Variants in MAPK8 observed in about 807,000 individuals in gnomAD.
The protein encoded by MAPK8 is mitogen-activated protein kinase 8.
A neutral mutation model predicts 52.9 loss-of-function variants in MAPK8; 13 were observed. The observed-to-expected ratio is 0.25, with a 90% confidence interval of 0.16 to 0.39. The LOEUF is 0.39. Ranked by LOEUF, MAPK8 falls within the 10% of genes least tolerant of loss-of-function variation. The pLI is 1.00. For missense variants in MAPK8, 300 were observed against 519.2 expected (o/e 0.58, Z 4.10); for synonymous variants, 191 against 169.8 (o/e 1.12, Z -0.97).
At chr10:48,386,549 G>A (rs952825940) in intron 1 of MAPK8, among the ~76,000 whole-genome samples, 3 of 152,168 alleles carry the variant, frequency 2.0e-5, no homozygotes, top group Non-Finnish European at 4.4e-5. Flanking sequence ...GGAATATTTT[G>A]AAATGTTTAC....
rs545661654 is a variant in MAPK8 at position 48,338,095 on chromosome 10, CT to C, written c.-50+31277del. Among the ~76,000 whole-genome samples, 1,091 of 152,168 alleles carry C rather than the reference CT, an allele frequency of 7.2e-3. 8 individuals carry two copies. Among genetic ancestry groups the C allele is most frequent in the Non-Finnish European group, 0.012 (794 of 67,942 alleles). On this transcript the variant is annotated intron_variant, in intron 1 of 11. Coordinates refer to ENST00000374189, the MANE Select transcript of MAPK8 (RefSeq NM_001323329.2). ...GGAGAGATATCCTCCCTAACTCATT[CT>C]TTGAAACCAGTATCATCCCAATATC...
In MAPK8 at chr10:48,434,899, A is replaced by G. The variant is rs780052742; in HGVS notation, c.1154A>G (p.Asn385Ser). 6.8e-6 allele frequency: 11 copies of G among 1,613,500 alleles called. No individual in the cohort carries two copies. The East Asian group carries it at 1.3e-4, about 20-fold the overall frequency. Residue 385 changes from asparagine (N) to serine (S), a missense_variant, in exon 12 of 12, where the codon AAT becomes AGT. Asn to Ser is a conservative substitution (Grantham distance 46, BLOSUM62 1). Coordinates refer to ENST00000374189, the MANE Select transcript of MAPK8 (RefSeq NM_001323329.2). ...CATAGCACAGGTGCAGCAGTGATCAATGGCTCTCAGCATCCATCATCATCG... is the reference window on the plus strand; with the variant it reads ...CATAGCACAGGTGCAGCAGTGATCAGTGGCTCTCAGCATCCATCATCATCG... Reference protein sequence around the residue: ...QPSPLGAAVINGSQHPSSSSS... With the variant: ...QPSPLGAAVISGSQHPSSSSS...
At chr10:48,346,549 A>C (rs2091611) in intron 1 of MAPK8, among the ~76,000 whole-genome samples, 9 of 152,020 alleles carry the variant, frequency 5.9e-5, no homozygotes, top group East Asian at 3.9e-4. Flanking sequence ...ACTGGGAAGC[A>C]GGGGGGAGGG....
chr10:48,392,014 T>A (rs1437851666), intron 1 of MAPK8, among the ~76,000 whole-genome samples: 1 of 152,188 alleles, frequency 6.6e-6, no homozygotes, highest in Non-Finnish European at 1.5e-5. Context: ...GAAAGTTCCC[T>A]GAACCCTGTC....
chr10:48,353,911 A>G (rs1846583093), intron 1 of MAPK8, among the ~76,000 whole-genome samples: 1 of 152,210 alleles, frequency 6.6e-6, no homozygotes, highest in South Asian at 2.1e-4. Flanking sequence ...GTGACTATAA[A>G]GCAGGTAGTC....
intron 5 of MAPK8, among the ~76,000 whole-genome samples, chr10:48,413,816 T>G (rs1417771865): frequency 1.4e-4 from 1 of 7,328 alleles, no homozygotes; most frequent in African/African-American, 4.5e-4. Context: ...CCAGAATTGT[T>G]ATATATATAT....
rs1589263924 is a variant in MAPK8, at chr10:48,424,309, G to T, written c.688+150G>T. On this transcript the variant is annotated intron_variant, in intron 7 of 11. Coordinates refer to ENST00000374189, the MANE Select transcript of MAPK8 (RefSeq NM_001323329.2). The stretch of plus-strand genomic sequence containing the variant: ...TATAGTTCAAAAATTGTTGAGATAA[G>T]AAGCTGAAATATTTGTAGGCTGCAT... The T allele has an allele frequency of 2.1e-5, 17 of 793,448 alleles. 1 individual carries two copies. In the East Asian group the frequency reaches 4.6e-4, roughly 21 times the overall value. 49.2% of individuals were successfully genotyped at this position (793,448 alleles called of 1,614,324 possible).
At chr10:48,427,771 C>T (rs556247947) in intron 10 of MAPK8, among the ~76,000 whole-genome samples, 9 of 152,276 alleles carry the variant, frequency 5.9e-5, no homozygotes, top group South Asian at 2.1e-4. Context: ...GGATTATAGG[C>T]GTGAGTGCTT....
chr10:48,318,409 G>C (rs112335654), intron 1 of MAPK8, among the ~76,000 whole-genome samples: 1,560 of 152,252 alleles, frequency 0.01, 10 homozygotes, highest in Non-Finnish European at 0.018. Context: ...CATCACACCA[G>C]ATCAGTTCAA....
At chr10:48,369,807 G>A (rs528510855) in intron 1 of MAPK8, among the ~76,000 whole-genome samples, 4 of 152,154 alleles carry the variant, frequency 2.6e-5, no homozygotes, top group Non-Finnish European at 5.9e-5. Flanking sequence ...TGTGGTGAAA[G>A]TGTCAGGTGC....
At chr10:48,389,951 G>T (rs2041532087) in intron 1 of MAPK8, among the ~76,000 whole-genome samples, 2 of 152,194 alleles carry the variant, frequency 1.3e-5, no homozygotes, top group African/African-American at 2.4e-5. Context: ...GGGTATGGAG[G>T]TTCATAGGTC....
chr10:48,311,281 A>G (rs75345175), intron 1 of MAPK8, among the ~76,000 whole-genome samples: 2,298 of 152,270 alleles, frequency 0.015, 62 homozygotes, highest in African/African-American at 0.052. Flanking sequence ...TGTCCATTCT[A>G]ATTCTCCAGA....
At chr10:48,322,014 C>T (rs369606389) in intron 1 of MAPK8, among the ~76,000 whole-genome samples, 1 of 152,086 alleles carries the variant, frequency 6.6e-6, no homozygotes. Flanking sequence ...ATGGTGTCTC[C>T]CCATTAGTTC....
At chr10:48,346,361 C>A (rs1188964652) in intron 1 of MAPK8, among the ~76,000 whole-genome samples, 4 of 152,174 alleles carry the variant, frequency 2.6e-5, no homozygotes, top group Admixed American at 2.6e-4. Flanking sequence ...GCTGAGGGGA[C>A]ATAGTGAGGT....
intron 11 of MAPK8, among the ~76,000 whole-genome samples, chr10:48,433,708 A>G (rs2044574043): frequency 6.6e-6 from 1 of 152,188 alleles, no homozygotes; most frequent in South Asian, 2.1e-4. Flanking sequence ...TTGCATTTGA[A>G]GAAAAGCTCA....
At chr10:48,424,383 G>A (rs1306561007) in intron 7 of MAPK8, 1 of 652,318 alleles carries the variant, frequency 1.5e-6, no homozygotes, top group East Asian at 2.8e-5. Flanking sequence ...CACATTCACT[G>A]TCACTCATTT....
chr10:48,361,024 A>C (rs1847471221), intron 1 of MAPK8, among the ~76,000 whole-genome samples: 1 of 152,194 alleles, frequency 6.6e-6, no homozygotes, highest in Admixed American at 6.5e-5. Flanking sequence ...AGTTATCTGT[A>C]ATCATGATGA....
rs2044756224 is a variant in MAPK8, at chr10:48,435,186, GATGTA to G, written c.*160_*164del. 1 of 546,974 alleles carries G rather than the reference GATGTA, an allele frequency of 1.8e-6. No individual in the cohort carries two copies. The highest frequency in any genetic ancestry group is 1.9e-5 in the African/African-American group (1 of 51,904). 33.9% of individuals were successfully genotyped at this position (546,974 alleles called of 1,614,324 possible). On this transcript the variant is annotated 3_prime_UTR_variant, in exon 12 of 12. Coordinates refer to ENST00000374189, the MANE Select transcript of MAPK8 (RefSeq NM_001323329.2). Reference sequence around the variant, plus strand: ...TAGTTTATTTTTTTTAATTTCAAGTGATGTAATTTAAAACCTAAGTTGTGTTTCAA... The same window carrying G: ...TAGTTTATTTTTTTTAATTTCAAGTGATTTAAAACCTAAGTTGTGTTTCAA...
At chr10:48,414,036 A>T (rs1403368399) in intron 5 of MAPK8, among the ~76,000 whole-genome samples, 1 of 151,352 alleles carries the variant, frequency 6.6e-6, no homozygotes, top group Non-Finnish European at 1.5e-5. Context: ...CCTAAAAGAA[A>T]CTCCACATCC....
Sources: gnomAD v4.1 joint callset for allele counts (sites outside exome capture counted in the v4.1 genomes callset) on GRCh38, gnomAD v4.1.1 for gene constraint, MANE v1.5 for transcripts, NCBI Gene and HGNC (gene_info 2026-07-23, HGNC 2026-07-21) for gene names.